Variants in HIVEP3 observed in about 807,000 individuals in gnomAD.
The protein encoded by HIVEP3 is transcription factor HIVEP3.
In HIVEP3, 49 loss-of-function variants were observed where a neutral mutation model predicts 152.8. The ratio of observed to expected loss-of-function variants is 0.32; its 90% confidence interval spans 0.26 to 0.41. HIVEP3 has a LOEUF of 0.41. Ranked by LOEUF, HIVEP3 falls within the 10% of genes least tolerant of loss-of-function variation. HIVEP3 has a pLI of 1.00. For missense variants in HIVEP3, 2,790 were observed against 3,103.3 expected (o/e 0.90, Z 2.40); for synonymous variants, 1,269 against 1,289.0 (o/e 0.98, Z 0.33).
At chr1:41,943,781 G>A (rs376035626) in intron 1 of HIVEP3, among the ~76,000 whole-genome samples, 6 of 152,210 alleles carry the variant, frequency 3.9e-5, no homozygotes, top group Admixed American at 2.6e-4. Context: ...AGAATTCAAG[G>A]AAGCCATAGC....
intron 5 of HIVEP3, among the ~76,000 whole-genome samples, chr1:41,545,618 TACCATCACCAC>T (rs1558049244): frequency 0.013 from 303 of 24,184 alleles, no homozygotes; most frequent in African/African-American, 0.042. Context: ...TCACCACCAC[TACCATCACCAC>T]CACCATCACC....
chr1:41,901,040 C>T (rs188479633), intron 1 of HIVEP3, among the ~76,000 whole-genome samples: 1 of 151,908 alleles, frequency 6.6e-6, no homozygotes, highest in East Asian at 1.9e-4. Flanking sequence ...AGGGAGTGGA[C>T]GTCAGGATGG....
chr1:41,606,957 T>C (rs1161306713), intron 3 of HIVEP3, among the ~76,000 whole-genome samples: 1 of 152,160 alleles, frequency 6.6e-6, no homozygotes, highest in East Asian at 1.9e-4. Context: ...ATGATCTTTC[T>C]AGTTTAAAAT....
intron 2 of HIVEP3, among the ~76,000 whole-genome samples, chr1:41,637,426 TTCTCACAGGTAG>T (rs1355277122): frequency 6.6e-6 from 1 of 152,234 alleles, no homozygotes; most frequent in Non-Finnish European, 1.5e-5. Flanking sequence ...GCTTCAGCGC[TTCTCACAGGTAG>T]TCTCCCTGCC....
chr1:41,855,295 A>G (rs189125661), intron 1 of HIVEP3, among the ~76,000 whole-genome samples: 39 of 152,084 alleles, frequency 2.6e-4, no homozygotes, highest in Non-Finnish European at 1.0e-4. Flanking sequence ...GCATTTCTTC[A>G]TGTGTTTTTT....
chr1:41,845,948 T>A (rs1053503750), intron 1 of HIVEP3, among the ~76,000 whole-genome samples: 2 of 152,038 alleles, frequency 1.3e-5, no homozygotes, highest in African/African-American at 2.4e-5. Flanking sequence ...GTGCCTGTAG[T>A]CCCAACTACT....
At chr1:41,557,331 T>C (rs922082025) in intron 5 of HIVEP3, among the ~76,000 whole-genome samples, 14 of 152,058 alleles carry the variant, frequency 9.2e-5, no homozygotes, top group African/African-American at 3.1e-4. Context: ...AAAACAGCAG[T>C]GTGTTTGATG....
At chr1:41,797,764 G>A (rs1274956838) in intron 1 of HIVEP3, among the ~76,000 whole-genome samples, 2 of 152,206 alleles carry the variant, frequency 1.3e-5, no homozygotes, top group East Asian at 1.9e-4. Flanking sequence ...CAAGGCAGGC[G>A]GATCATAAGG....
At chr1:41,738,841 A>G (rs77615557) in intron 1 of HIVEP3, among the ~76,000 whole-genome samples, 5,343 of 152,350 alleles carry the variant, frequency 0.035, 151 homozygotes, top group Non-Finnish European at 0.055. Context: ...TTTCCCTACA[A>G]ACAGGGTAAA....
intron 1 of HIVEP3, among the ~76,000 whole-genome samples, chr1:41,879,179 A>G (rs757619800): frequency 1.9e-4 from 29 of 152,190 alleles, no homozygotes; most frequent in Non-Finnish European, 2.6e-4. Flanking sequence ...TTAATCTGGC[A>G]TTGCAGGGGA....
chr1:41,698,363 A>G (rs115483580), intron 2 of HIVEP3, among the ~76,000 whole-genome samples: 10 of 152,296 alleles, frequency 6.6e-5, no homozygotes, highest in African/African-American at 2.4e-4. Flanking sequence ...CACCCAGCAC[A>G]GATGTTATAA....
intron 1 of HIVEP3, among the ~76,000 whole-genome samples, chr1:41,735,266 C>T (rs201824028): frequency 3.0e-4 from 46 of 152,272 alleles, no homozygotes; most frequent in East Asian, 1.2e-3. Context: ...TCTCTTCCTA[C>T]GTAAGGGCAC....
chr1:41,603,787 T>C (rs1644780116), intron 3 of HIVEP3, among the ~76,000 whole-genome samples: 4 of 152,240 alleles, frequency 2.6e-5, no homozygotes, highest in Admixed American at 2.6e-4. Context: ...TTGAAAAGAA[T>C]GTGTATTCTG....
intron 1 of HIVEP3, among the ~76,000 whole-genome samples, chr1:41,846,659 T>C (rs552042982): frequency 6.6e-6 from 1 of 152,386 alleles, no homozygotes; most frequent in South Asian, 2.1e-4. Context: ...CTGAGATGCA[T>C]TACTGAACTT....
At chr1:41,575,468 T>C in intron 5 of HIVEP3, 76 bp downstream of exon 5, 3 of 1,528,314 alleles carry the variant, frequency 2.0e-6, no homozygotes, top group Non-Finnish European at 1.8e-6. Context: ...ACTGAGCCAC[T>C]GCTGCCCGTG....
chr1:41,677,874 T>C (rs1290038430), intron 2 of HIVEP3, among the ~76,000 whole-genome samples: 1 of 152,184 alleles, frequency 6.6e-6, no homozygotes, highest in Non-Finnish European at 1.5e-5. Context: ...CAGATGGGCC[T>C]AAGCTGCTTC....
intron 1 of HIVEP3, among the ~76,000 whole-genome samples, chr1:41,868,817 A>G (rs1213151320): frequency 6.6e-6 from 1 of 152,204 alleles, no homozygotes; most frequent in Non-Finnish European, 1.5e-5. Flanking sequence ...CCATCTGTTA[A>G]TTGGGGATAC....
At chr1:41,604,853 C>T (rs190066383) in intron 3 of HIVEP3, among the ~76,000 whole-genome samples, 3 of 152,184 alleles carry the variant, frequency 2.0e-5, no homozygotes, top group East Asian at 3.9e-4. Context: ...CCTATAATCT[C>T]AGCATTTTGG....
intron 1 of HIVEP3, among the ~76,000 whole-genome samples, chr1:41,926,888 T>C (rs941108989): frequency 6.6e-6 from 1 of 152,144 alleles, no homozygotes; most frequent in African/African-American, 2.4e-5. Context: ...TTGGCATATG[T>C]ATATCTTTAA....
Sources: allele counts gnomAD v4.1 joint callset (sites outside exome capture counted in the v4.1 genomes callset), GRCh38; gene constraint gnomAD v4.1.1; transcripts MANE v1.5; gene names NCBI Gene and HGNC (gene_info 2026-07-23, HGNC 2026-07-21).